CEP72: variants seen among roughly 807,000 people sequenced by gnomAD.
CEP72 encodes centrosomal protein of 72 kDa.
A neutral mutation model predicts 65.7 loss-of-function variants in CEP72; 78 were observed. The ratio of observed to expected loss-of-function variants is 1.19; its 90% confidence interval spans 0.99 to 1.43. The LOEUF is 1.43. CEP72 is among the 40% of genes most tolerant of loss of function. The pLI, the probability that CEP72 is intolerant of heterozygous loss-of-function variation, is 0.00. For synonymous variants in CEP72, 358 were observed against 351.7 expected, an observed-to-expected ratio of 1.02 and a Z score of -0.20; for missense variants, 914 against 832.9, an observed-to-expected ratio of 1.10 and a Z score of -1.20.
intron 9 of CEP72, chr5:641,181 T>C (rs1178095112): frequency 1.0e-6 from 1 of 984,846 alleles, no homozygotes; most frequent in Non-Finnish European, 1.2e-6. Context: ...AGCCGTGGGC[T>C]GGGGCCACCG....
chr5:626,598 T>C (rs775175625), intron 4 of CEP72, among the ~76,000 whole-genome samples: 28 of 152,214 alleles, frequency 1.8e-4, no homozygotes, highest in Non-Finnish European at 3.7e-4. Flanking sequence ...GGTGGGAGGA[T>C]TGCTTGAGGC....
Position 620,300 on chromosome 5 carries a change from C to T in CEP72, c.403+39C>T, listed in dbSNP as rs377586273. 9.4e-4 allele frequency: 1,480 copies of T among 1,580,594 alleles called. 4 individuals carry two copies. Among genetic ancestry groups the T allele is most frequent in the South Asian group, 2.0e-3 (176 of 90,140 alleles). On this transcript the variant is annotated intron_variant, in intron 3 of 11. Transcript: ENST00000264935. ...AGGGCCACGCTCATGCTTTTGTCCC[C>T]GTGGGGTATGGGAGTCGGGGAGTCG...
At chr5:654,342 C>T (rs74906432), downstream of CEP72, among the ~76,000 whole-genome samples, 19 of 112,734 alleles carry the variant, frequency 1.7e-4, no homozygotes, top group Middle Eastern at 6.8e-3. Flanking sequence ...GCTGTGTGTG[C>T]GCGCACGCAC....
the CEP72 span, among the ~76,000 whole-genome samples, chr5:675,037 G>A: frequency 2.0e-5 from 2 of 99,316 alleles, no homozygotes; most frequent in Admixed American, 9.5e-5. Context: ...AGCAGTGAGG[G>A]GGGTACAGTA....
intron 9 of CEP72, chr5:641,723 A>G: frequency 1.0e-6 from 1 of 984,504 alleles, no homozygotes; most frequent in Non-Finnish European, 1.2e-6. Context: ...GCATTTAAAC[A>G]CACATGGCCC....
At chr5:668,426 G>A (rs1240272104), downstream of CEP72, among the ~76,000 whole-genome samples, 1 of 126,156 alleles carries the variant, frequency 7.9e-6, no homozygotes, top group African/African-American at 2.9e-5. Flanking sequence ...AGGGGGCCGC[G>A]TGGGCGCCGT....
At chr5:639,889 C>T (rs1490373460) in intron 8 of CEP72, among the ~76,000 whole-genome samples, 1 of 152,218 alleles carries the variant, frequency 6.6e-6, no homozygotes, top group Non-Finnish European at 1.5e-5. Flanking sequence ...CTGCGCCTTG[C>T]AGTGTTATAG....
the CEP72 span, among the ~76,000 whole-genome samples, chr5:673,374 A>G: frequency 6.6e-6 from 1 of 151,950 alleles, no homozygotes; most frequent in East Asian, 1.9e-4. Flanking sequence ...TGCAGGAGGG[A>G]AGGACAGTTT....
downstream of CEP72, among the ~76,000 whole-genome samples, chr5:669,724 C>T (rs1199793098): frequency 3.9e-5 from 6 of 152,018 alleles, 1 homozygote; most frequent in Non-Finnish European, 8.8e-5. Flanking sequence ...CTGCTCTGCG[C>T]GCTCCCCGAG....
chr5:648,820 A>G (rs1738649960), intron 11 of CEP72, among the ~76,000 whole-genome samples: 1 of 120,378 alleles, frequency 8.3e-6, no homozygotes, highest in African/African-American at 3.4e-5. Flanking sequence ...GTGAGGTGTG[A>G]CTGTGAGGTG....
downstream of CEP72, chr5:660,208 T>C (rs1312753339): frequency 3.5e-5 from 3 of 84,676 alleles, no homozygotes; most frequent in African/African-American, 1.0e-4. Flanking sequence ...ATTGCACATA[T>C]ATATATATAT....
chr5:614,027 G>T (rs1348819098), intron 1 of CEP72, among the ~76,000 whole-genome samples: 1 of 152,198 alleles, frequency 6.6e-6, no homozygotes, highest in African/African-American at 2.4e-5. Flanking sequence ...TCCCTGATTA[G>T]TGCTACAAGG....
intron 11 of CEP72, among the ~76,000 whole-genome samples, chr5:649,928 C>T (rs1580029214): frequency 1.3e-5 from 1 of 78,540 alleles, no homozygotes; most frequent in Non-Finnish European, 2.2e-5. Context: ...GAGGTGTGGA[C>T]TGTGAGGCGT....
intron 3 of CEP72, among the ~76,000 whole-genome samples, chr5:621,520 G>A (rs1025981797): frequency 6.6e-6 from 1 of 152,248 alleles, no homozygotes; most frequent in Non-Finnish European, 1.5e-5. Flanking sequence ...CTGGGGTTTT[G>A]CCACCCACCA....
chr5:637,591 C>A lies in CEP72; in HGVS notation c.979C>A (p.Pro327Thr). The A allele has an allele frequency of 6.2e-7, 1 of 1,614,058 alleles. No homozygotes were observed. Among genetic ancestry groups the A allele is most frequent in the Non-Finnish European group, 8.5e-7 (1 of 1,180,038 alleles). The change falls in exon 7 of 12, where the codon CCA (proline) becomes ACA (threonine). Residue 327 changes from proline (P) to threonine (T), a missense_variant. By Grantham distance (38) the Pro-to-Thr change is conservative. Transcript: ENST00000264935. ...AGGAGAAATGGTGCCTGGTCCCCTG[C>A]CAGCCCCCGGAAAGTGCAGGAAGCG... ...LSGEMVPGPLPAPGKCRKRRM... is the reference protein window; with the variant it reads ...LSGEMVPGPLTAPGKCRKRRM...
At chr5:642,483 C>CA (rs1256479615) in intron 9 of CEP72, 1 of 985,170 alleles carries the variant, frequency 1.0e-6, no homozygotes, top group African/African-American at 1.7e-5. Flanking sequence ...CTGTGGGACA[C>CA]AGTCAGGCAC....
At chr5:638,259 G>A (rs1055860951) in intron 7 of CEP72, among the ~76,000 whole-genome samples, 1 of 152,196 alleles carries the variant, frequency 6.6e-6, no homozygotes, top group South Asian at 2.1e-4. Context: ...AGCCATTGAT[G>A]ACCCTTTCGT....
chr5:637,952 G>C, intron 7 of CEP72, 134 bp downstream of exon 7: 1 of 886,874 alleles, frequency 1.1e-6, no homozygotes, highest in Non-Finnish European at 1.7e-6. Context: ...TGTTACGGCG[G>C]TGCCGTGATT....
chr5:622,760 C>G (rs887068561), intron 3 of CEP72, among the ~76,000 whole-genome samples: 5 of 149,390 alleles, frequency 3.3e-5, no homozygotes, highest in Non-Finnish European at 7.4e-5. Flanking sequence ...ATGGACCCCC[C>G]CAAGACACAG....
Sources: gnomAD v4.1 joint callset for allele counts (sites outside exome capture counted in the v4.1 genomes callset) on GRCh38, gnomAD v4.1.1 for gene constraint, MANE v1.5 for transcripts, NCBI Gene and HGNC (gene_info 2026-07-23, HGNC 2026-07-21) for gene names.